CFHR5: variants seen among roughly 807,000 people sequenced by gnomAD.
CFHR5 encodes complement factor H related 5.
CFHR5 carries 73 observed loss-of-function variants against 62.9 expected under a neutral mutation model. The observed-to-expected ratio is 1.16, with a 90% CI of 0.96 to 1.41. The LOEUF (loss-of-function observed/expected upper bound fraction) is 1.41, where lower values mean the gene tolerates loss of function less well. CFHR5 is among the 40% of genes most tolerant of loss of function. CFHR5 has a pLI of 0.00. For synonymous variants in CFHR5, 249 were observed against 227.2 expected (o/e 1.10, Z -0.86); for missense variants, 779 against 679.9 (o/e 1.15, Z -1.62).
intron 7 of CFHR5, 98 bp downstream of exon 7, chr1:196,998,402 C>T: frequency 1.0e-6 from 1 of 1,001,180 alleles, no homozygotes; most frequent in Non-Finnish European, 1.5e-6. Context: ...TTTATTGTGG[C>T]ATATAATTTC....
intron 6 of CFHR5, 52 bp downstream of exon 6, chr1:196,996,253 G>A (rs772156878): frequency 2.8e-6 from 4 of 1,419,998 alleles, no homozygotes; most frequent in East Asian, 4.6e-5. Context: ...TTTTGATTGG[G>A]ATTGTATAAA....
chr1:197,001,663 T>C (rs1654157637), intron 7 of CFHR5, among the ~76,000 whole-genome samples: 1 of 151,848 alleles, frequency 6.6e-6, no homozygotes, highest in Admixed American at 6.6e-5. Context: ...TAACTCGTCA[T>C]TTAGCATTAG....
intron 3 of CFHR5, among the ~76,000 whole-genome samples, chr1:196,989,809 A>G (rs1653793206): frequency 6.6e-6 from 1 of 152,098 alleles, no homozygotes; most frequent in African/African-American, 2.4e-5. Flanking sequence ...CAATTTTGGG[A>G]TAAGTGCTAT....
At position 196,984,111 on chromosome 1, in the gene CFHR5, C is replaced by G; in HGVS notation, c.404C>G (p.Ser135Cys). The G allele has an allele frequency of 6.2e-7, 1 of 1,612,280 alleles. No homozygotes were observed. Residue 135 changes from serine to cysteine, a missense_variant, in exon 3 of 10, where the codon TCC becomes TGC. Physicochemically the swap from Ser to Cys is moderately radical, Grantham distance 112. Coordinates refer to ENST00000256785, the MANE Select transcript of CFHR5 (RefSeq NM_030787.4). Reference protein sequence around the residue: ...KNISCVERGWSTPPICSFTKG... With the variant: ...KNISCVERGWCTPPICSFTKG... ...ATTTCGTGTGTAGAACGGGGCTGGT[C>G]CACTCCTCCCATATGCAGCTTCACT...
At chr1:196,975,326 G>A (rs1299752365), upstream of CFHR5, among the ~76,000 whole-genome samples, 2 of 152,194 alleles carry the variant, frequency 1.3e-5, no homozygotes, top group Admixed American at 1.3e-4. Flanking sequence ...TTACTAGAAA[G>A]AGATTTGGGT....
rs764919855 is a variant in CFHR5, at chr1:196,977,714, G to C, written c.50G>C (p.Gly17Ala). 1.3e-5 allele frequency: 21 copies of C among 1,611,972 alleles called. No homozygotes were observed. The Admixed American group carries it at 3.5e-4, about 27-fold the overall frequency. Residue 17 changes from glycine to alanine, a missense_variant, in exon 1 of 10, where the codon GGG (glycine) becomes GCG (alanine). Transcript: ENST00000256785. ...CTAATCTCATGGGTATCCACTGTTG[G>C]GGGAGAAGGTAAGTTGAAAACAGAT... ...VILISWVSTV[G>A]GEGTLCDFPK...
At chr1:196,990,015 G>A (rs530773748) in intron 3 of CFHR5, among the ~76,000 whole-genome samples, 4 of 152,202 alleles carry the variant, frequency 2.6e-5, no homozygotes, top group South Asian at 4.1e-4. Context: ...AAGTCTCTTC[G>A]TAGGTCTCTA....
upstream of CFHR5, chr1:196,977,417 T>A: frequency 2.0e-6 from 1 of 505,756 alleles, no homozygotes; most frequent in South Asian, 2.0e-5. Flanking sequence ...CAGCAGTTAT[T>A]TTGCTTAAAT....
intron 7 of CFHR5, among the ~76,000 whole-genome samples, chr1:196,998,656 A>G: frequency 6.6e-6 from 1 of 152,216 alleles, no homozygotes; most frequent in East Asian, 1.9e-4. Flanking sequence ...ACTAACAGAT[A>G]TTGCCAATTC....
chr1:196,995,692 A>G, intron 4 of CFHR5, 25 bp from the exon 5 acceptor site: 1 of 1,590,782 alleles, frequency 6.3e-7, no homozygotes, highest in South Asian at 1.1e-5. Flanking sequence ...CCATTTAAGC[A>G]TTATTTATGG....
rs146025130 is a variant in CFHR5 at position 196,983,058 on chromosome 1, T to C, written c.232T>C (p.Ser78Pro). The C allele has an allele frequency of 9.0e-5, 146 of 1,614,114 alleles. 1 individual carries two copies. The African/African-American group carries it at 1.7e-3, about 19-fold the overall frequency. Residue 78 changes from serine to proline, a missense_variant, in exon 2 of 10, where the codon TCA (serine) becomes CCA (proline). Transcript: ENST00000256785. ...CATAACATGCACAGAAGAAGGATGG[T>C]CACCAACACCGAAGTGTCTCAGTGA... ...TRITCTEEGW[S>P]PTPKCLRMCS...
chr1:196,976,923 G>A (rs1364586358), upstream of CFHR5, among the ~76,000 whole-genome samples: 1 of 148,310 alleles, frequency 6.7e-6, no homozygotes, highest in South Asian at 2.1e-4. Context: ...TCCTGCCTCA[G>A]CCTCCCGAGT....
chr1:197,003,692 A>G (rs1267359141), intron 8 of CFHR5, among the ~76,000 whole-genome samples: 1 of 152,170 alleles, frequency 6.6e-6, no homozygotes, highest in Non-Finnish European at 1.5e-5. Flanking sequence ...TGTTCAAGAA[A>G]GAATGTGGGG....
intron 3 of CFHR5, among the ~76,000 whole-genome samples, chr1:196,991,939 T>C (rs1158999272): frequency 6.6e-6 from 1 of 152,200 alleles, no homozygotes; most frequent in Non-Finnish European, 1.5e-5. Flanking sequence ...GACAGGGACA[T>C]TTATGTCTAC....
At chr1:196,980,788 T>C (rs1653522454) in intron 1 of CFHR5, among the ~76,000 whole-genome samples, 1 of 152,124 alleles carries the variant, frequency 6.6e-6, no homozygotes, top group African/African-American at 2.4e-5. Flanking sequence ...ATACGATGAA[T>C]GTTGTAGAGC....
In CFHR5 at chr1:196,977,678, T is replaced by G. The variant is rs1653431638; in HGVS notation, c.14T>G (p.Phe5Cys). Residue 5 changes from phenylalanine (F) to cysteine (C), a missense_variant, in exon 1 of 10, where the codon TTC becomes TGC. Coordinates refer to ENST00000256785, the MANE Select transcript of CFHR5 (RefSeq NM_030787.4). Reference sequence around the variant, plus strand: ...AGACTACCAAGCATGTTGCTCTTATTCAGTGTAATCCTAATCTCATGGGTA... The same window carrying G: ...AGACTACCAAGCATGTTGCTCTTATGCAGTGTAATCCTAATCTCATGGGTA... Reference protein sequence around the residue: MLLLFSVILISWVST... With the variant: MLLLCSVILISWVST... 1 of 1,613,038 alleles carries G rather than the reference T, an allele frequency of 6.2e-7. No homozygotes were observed. Among genetic ancestry groups the G allele is most frequent in the African/African-American group, 1.3e-5 (1 of 75,032 alleles).
chr1:197,000,309 C>G (rs1654121117), intron 7 of CFHR5, among the ~76,000 whole-genome samples: 1 of 152,026 alleles, frequency 6.6e-6, no homozygotes, highest in Admixed American at 6.6e-5. Context: ...TAAAATTTCT[C>G]ATTTTATGCA....
chr1:196,987,863 A>G (rs1023726725), intron 3 of CFHR5, among the ~76,000 whole-genome samples: 1 of 151,902 alleles, frequency 6.6e-6, no homozygotes, highest in Non-Finnish European at 1.5e-5. Context: ...CCCTTTTTTG[A>G]TTCCATATGA....
At chr1:196,992,144 G>A (rs1571519398) in intron 3 of CFHR5, among the ~76,000 whole-genome samples, 1 of 152,172 alleles carries the variant, frequency 6.6e-6, no homozygotes, top group Non-Finnish European at 1.5e-5. Flanking sequence ...GTCGATCTCA[G>A]ACTGCCACAC....
Sources: allele counts gnomAD v4.1 joint callset (sites outside exome capture counted in the v4.1 genomes callset), GRCh38; gene constraint gnomAD v4.1.1; transcripts MANE v1.5; gene names NCBI Gene and HGNC (gene_info 2026-07-23, HGNC 2026-07-21).